TRAPPC9: variants seen among roughly 807,000 people sequenced by gnomAD.
TRAPPC9 encodes IKK2 binding protein.
Under a neutral mutation model 124.0 loss-of-function variants are expected in TRAPPC9, and 83 were observed. That is an observed-to-expected ratio of 0.67 (90% CI 0.56 to 0.80). TRAPPC9 has a LOEUF of 0.80. Ranked by LOEUF, TRAPPC9 falls within the 30% of genes least tolerant of loss-of-function variation. TRAPPC9 has a pLI of 0.00. For missense variants in TRAPPC9, 1,302 were observed against 1,508.3 expected, an observed-to-expected ratio of 0.86 and a Z score of 2.27; for synonymous variants, 638 against 617.5, an observed-to-expected ratio of 1.03 and a Z score of -0.49.
At chr8:140,188,505 C>T (rs1265647862) in intron 17 of TRAPPC9, among the ~76,000 whole-genome samples, 3 of 152,176 alleles carry the variant, frequency 2.0e-5, no homozygotes, top group Non-Finnish European at 4.4e-5. Context: ...CTATGCACAG[C>T]TTATATCTTT....
intron 14 of TRAPPC9, among the ~76,000 whole-genome samples, chr8:140,280,961 G>T (rs527545348): frequency 2.0e-5 from 3 of 152,208 alleles, no homozygotes; most frequent in Non-Finnish European, 4.4e-5. Context: ...CTGCACTGGG[G>T]CACGTGTCCC....
intron 21 of TRAPPC9, among the ~76,000 whole-genome samples, chr8:139,775,228 G>T (rs1231863231): frequency 6.6e-6 from 1 of 152,148 alleles, no homozygotes; most frequent in Non-Finnish European, 1.5e-5. Flanking sequence ...GCCCCTTCCC[G>T]CCTGCCAGTC....
chr8:139,739,244 C>G (rs141370637), intron 21 of TRAPPC9, among the ~76,000 whole-genome samples: 2 of 152,140 alleles, frequency 1.3e-5, no homozygotes, highest in African/African-American at 4.8e-5. Context: ...CCAGCCCCAG[C>G]CTGGGAAACG....
At chr8:140,329,753 G>A (rs1229228354) in intron 9 of TRAPPC9, among the ~76,000 whole-genome samples, 1 of 152,018 alleles carries the variant, frequency 6.6e-6, no homozygotes, top group African/African-American at 2.4e-5. Context: ...ACTTTCCTGG[G>A]GTTATTAAGG....
intron 9 of TRAPPC9, among the ~76,000 whole-genome samples, chr8:140,329,768 A>G (rs1231688279): frequency 1.3e-5 from 2 of 152,124 alleles, no homozygotes. Flanking sequence ...TTAAGGTAAT[A>G]AGAAGCTAAA....
At chr8:139,755,306 G>A (rs1326655254) in intron 21 of TRAPPC9, among the ~76,000 whole-genome samples, 1 of 148,818 alleles carries the variant, frequency 6.7e-6, no homozygotes, top group Non-Finnish European at 1.5e-5. Flanking sequence ...AGGGATTGGG[G>A]ATGAGGACAG....
chr8:139,958,184 G>A (rs1336071792), intron 19 of TRAPPC9, among the ~76,000 whole-genome samples: 1 of 152,174 alleles, frequency 6.6e-6, no homozygotes, highest in Non-Finnish European at 1.5e-5. Flanking sequence ...AAGGAAAGTG[G>A]CCGCCTTGGC....
intron 7 of TRAPPC9, among the ~76,000 whole-genome samples, chr8:140,381,496 T>A (rs1053064850): frequency 3.3e-5 from 5 of 151,502 alleles, no homozygotes; most frequent in African/African-American, 1.2e-4. Flanking sequence ...TGAAACCCCA[T>A]CTCTATTAAA....
chr8:139,741,808 C>A (rs1201638707), intron 21 of TRAPPC9, among the ~76,000 whole-genome samples: 1 of 152,140 alleles, frequency 6.6e-6, no homozygotes, highest in Non-Finnish European at 1.5e-5. Context: ...CTTCGCAGAG[C>A]ATGATGTCTC....
At chr8:140,379,352 T>C (rs2068537238) in intron 7 of TRAPPC9, among the ~76,000 whole-genome samples, 1 of 152,246 alleles carries the variant, frequency 6.6e-6, no homozygotes, top group African/African-American at 2.4e-5. Context: ...TTCTTATTTA[T>C]GTGCGACCGT....
intron 21 of TRAPPC9, among the ~76,000 whole-genome samples, chr8:139,877,773 T>G (rs59364862): frequency 0.016 from 2,470 of 152,296 alleles, 64 homozygotes; most frequent in African/African-American, 0.055. Flanking sequence ...TGCTCTCTGC[T>G]GGGCTCCTGG....
At chr8:140,338,528 C>T (rs550215567) in intron 9 of TRAPPC9, among the ~76,000 whole-genome samples, 1 of 152,342 alleles carries the variant, frequency 6.6e-6, no homozygotes, top group East Asian at 1.9e-4. Context: ...TCCTAACCCC[C>T]AGCACCTCAG....
At chr8:139,869,950 T>A (rs1828793227) in intron 21 of TRAPPC9, among the ~76,000 whole-genome samples, 1 of 152,112 alleles carries the variant, frequency 6.6e-6, no homozygotes, top group South Asian at 2.1e-4. Context: ...AATAACTGTA[T>A]TTATAATAGG....
chr8:140,113,387 G>A (rs999828521), intron 17 of TRAPPC9, among the ~76,000 whole-genome samples: 3 of 152,218 alleles, frequency 2.0e-5, no homozygotes, highest in Non-Finnish European at 4.4e-5. Context: ...CACAGAAGGT[G>A]GGCCTTTGAG....
intron 21 of TRAPPC9, among the ~76,000 whole-genome samples, chr8:139,763,152 C>T (rs1430864806): frequency 6.6e-5 from 10 of 152,158 alleles, no homozygotes; most frequent in South Asian, 4.1e-4. Context: ...ATTTTCCAAG[C>T]GACTCATTTT....
At chr8:140,192,177 A>G (rs2062509072) in intron 17 of TRAPPC9, among the ~76,000 whole-genome samples, 1 of 152,222 alleles carries the variant, frequency 6.6e-6, no homozygotes, top group Non-Finnish European at 1.5e-5. Flanking sequence ...GAACATCTAT[A>G]ATTTGCAAAT....
intron 21 of TRAPPC9, among the ~76,000 whole-genome samples, chr8:139,850,358 C>T (rs1357801632): frequency 6.6e-6 from 1 of 152,206 alleles, no homozygotes; most frequent in Non-Finnish European, 1.5e-5. Context: ...GGGCTCCTGA[C>T]TCGCAGAGTT....
chr8:139,903,539 C>T (rs1322813962), intron 20 of TRAPPC9, among the ~76,000 whole-genome samples: 1 of 152,150 alleles, frequency 6.6e-6, no homozygotes, highest in East Asian at 1.9e-4. Context: ...GTGAGTTGAC[C>T]CTAGGCTTGC....
intron 6 of TRAPPC9, among the ~76,000 whole-genome samples, chr8:140,401,880 C>G (rs967738328): frequency 2.6e-5 from 4 of 151,408 alleles, no homozygotes; most frequent in Admixed American, 6.6e-5. Context: ...CCCACCTCAG[C>G]CTCCCAAAGT....
Sources: gnomAD v4.1 joint callset for allele counts (sites outside exome capture counted in the v4.1 genomes callset) on GRCh38, gnomAD v4.1.1 for gene constraint, MANE v1.5 for transcripts, NCBI Gene and HGNC (gene_info 2026-07-23, HGNC 2026-07-21) for gene names.